KHDRBS2: variants seen among roughly 807,000 people sequenced by gnomAD.
KHDRBS2 encodes KH domain-containing, RNA-binding, signal transduction-associated protein 2.
In KHDRBS2, 26 loss-of-function variants were observed where a neutral mutation model predicts 44.3. That is an observed-to-expected ratio of 0.59 (90% CI 0.43 to 0.81). The LOEUF is 0.81. Ranked by LOEUF, KHDRBS2 falls within the 40% of genes least tolerant of loss-of-function variation. The pLI, the probability that KHDRBS2 is intolerant of heterozygous loss-of-function variation, is 0.00. For missense variants in KHDRBS2, 476 were observed against 433.1 expected, an observed-to-expected ratio of 1.10 and a Z score of -0.88; for synonymous variants, 194 against 151.1, an observed-to-expected ratio of 1.28 and a Z score of -2.08.
At chr6:61,949,458 C>T (rs9363569) in intron 4 of KHDRBS2, among the ~76,000 whole-genome samples, 52,042 of 151,894 alleles carry the variant, frequency 0.34, 9,088 homozygotes, top group Middle Eastern at 0.4. Flanking sequence ...TCTTCAGCTA[C>T]AGGACATATT....
At chr6:61,628,107 A>G in the KHDRBS2 span, among the ~76,000 whole-genome samples, 1 of 151,100 alleles carries the variant, frequency 6.6e-6, no homozygotes, top group Non-Finnish European at 1.5e-5. Flanking sequence ...TACCTGCTGA[A>G]CTTTGTTTCT....
chr6:62,124,586 T>TACACACACACAGAC (rs1808488854), intron 2 of KHDRBS2, among the ~76,000 whole-genome samples: 1 of 145,006 alleles, frequency 6.9e-6, no homozygotes, highest in Non-Finnish European at 1.5e-5. Flanking sequence ...TGAACTATAC[T>TACACACACACAGAC]ACACACACAC....
At chr6:61,574,335 G>A in the KHDRBS2 span, 48,675 of 1,528,402 alleles carry the variant, frequency 0.032, 939 homozygotes, top group Middle Eastern at 0.075. Context: ...TGAATGGCTC[G>A]ACGAGGTTTC....
At chr6:61,822,864 C>G (rs1406441874) in intron 6 of KHDRBS2, among the ~76,000 whole-genome samples, 1 of 151,996 alleles carries the variant, frequency 6.6e-6, no homozygotes, top group Non-Finnish European at 1.5e-5. Context: ...TTTCTCTGTA[C>G]CCATGATAAG....
intron 7 of KHDRBS2, among the ~76,000 whole-genome samples, chr6:61,728,428 A>G (rs1317955604): frequency 6.6e-6 from 1 of 152,116 alleles, no homozygotes; most frequent in East Asian, 1.9e-4. Flanking sequence ...CATCCTGCAC[A>G]TGGACTCTGA....
intron 2 of KHDRBS2, among the ~76,000 whole-genome samples, chr6:62,107,300 C>G (rs776789912): frequency 3.8e-4 from 58 of 152,226 alleles, no homozygotes; most frequent in Admixed American, 7.8e-4. Flanking sequence ...ACACCAATAA[C>G]AGACAAACAG....
At chr6:61,913,226 A>G (rs1806373714) in intron 4 of KHDRBS2, among the ~76,000 whole-genome samples, 1 of 152,180 alleles carries the variant, frequency 6.6e-6, no homozygotes, top group African/African-American at 2.4e-5. Context: ...GAGAAATGAT[A>G]GGATCTCAAG....
At position 61,945,357 on chromosome 6, in the gene KHDRBS2, C is replaced by A. The variant is rs546896626; in HGVS notation, c.483+32709G>T. ...GTATTTTTAAAAAGATATAATTATG[C>A]CCTAATATTTATTGTACTAAACATT... On this transcript the variant is annotated intron_variant, in intron 4 of 8. Coordinates refer to ENST00000281156, the MANE Select transcript of KHDRBS2 (RefSeq NM_152688.4). Among the ~76,000 whole-genome samples, 14 of 150,668 alleles carry A rather than the reference C, an allele frequency of 9.3e-5. No individual in the cohort carries two copies. In the South Asian group the frequency reaches 2.3e-3, roughly 25 times the overall value.
At chr6:61,983,248 T>TCTTTCTTTCTTTCTTTC (rs1416908763) in intron 3 of KHDRBS2, among the ~76,000 whole-genome samples, 39 of 42,638 alleles carry the variant, frequency 9.1e-4, no homozygotes, top group African/African-American at 2.9e-3. Context: ...TTTTTTTTTT[T>TCTTTCTTTCTTTCTTTC]TTTTTTTTTA....
At chr6:61,794,812 G>A (rs1785089103) in intron 6 of KHDRBS2, among the ~76,000 whole-genome samples, 1 of 151,854 alleles carries the variant, frequency 6.6e-6, no homozygotes, top group South Asian at 2.1e-4. Flanking sequence ...AGTGAATTTT[G>A]GTAAATCTGA....
the KHDRBS2 span, among the ~76,000 whole-genome samples, chr6:61,630,912 G>A: frequency 6.6e-6 from 1 of 152,084 alleles, no homozygotes; most frequent in Non-Finnish European, 1.5e-5. Flanking sequence ...GTATTCTGTG[G>A]TTTTTTAGAC....
At chr6:62,136,705 T>C (rs1039329603) in intron 2 of KHDRBS2, among the ~76,000 whole-genome samples, 4 of 152,178 alleles carry the variant, frequency 2.6e-5, no homozygotes, top group Admixed American at 6.5e-5. Flanking sequence ...GTTGGCCCCC[T>C]ACCACAATGA....
At chr6:61,841,580 TTGGTAC>T (rs1793614267) in intron 6 of KHDRBS2, among the ~76,000 whole-genome samples, 1 of 152,302 alleles carries the variant, frequency 6.6e-6, no homozygotes, top group East Asian at 1.9e-4. Context: ...GGTCTTAGTC[TTGGTAC>T]TGTGCATTAG....
intron 6 of KHDRBS2, among the ~76,000 whole-genome samples, chr6:61,877,412 T>C (rs1237446621): frequency 6.6e-6 from 1 of 151,980 alleles, no homozygotes; most frequent in Non-Finnish European, 1.5e-5. Flanking sequence ...AGGAAGATGA[T>C]GTTTCTTAGT....
At chr6:62,079,818 G>C (rs1004042304) in intron 2 of KHDRBS2, among the ~76,000 whole-genome samples, 1 of 151,968 alleles carries the variant, frequency 6.6e-6, no homozygotes, top group African/African-American at 2.4e-5. Flanking sequence ...GTCTCAGAAA[G>C]ATGTATTTAT....
the KHDRBS2 span, among the ~76,000 whole-genome samples, chr6:61,651,596 A>G: frequency 5.3e-5 from 8 of 152,240 alleles, no homozygotes; most frequent in Non-Finnish European, 1.2e-4. Context: ...TTCATTTTAC[A>G]AATGAAAAAA....
chr6:61,860,247 T>G, intron 6 of KHDRBS2, among the ~76,000 whole-genome samples: 1 of 151,958 alleles, frequency 6.6e-6, no homozygotes, highest in East Asian at 1.9e-4. Flanking sequence ...CAAGAAGAGA[T>G]AGACTCATGG....
the KHDRBS2 span, among the ~76,000 whole-genome samples, chr6:61,605,278 A>G: frequency 1.3e-5 from 2 of 152,044 alleles, no homozygotes; most frequent in African/African-American, 4.8e-5. Context: ...TCATATTCCT[A>G]TTCACCATTC....
At chr6:61,869,964 G>GGTTTTTTTTTTTTTTTTTTTTTTTTTTTT (rs1798386615) in intron 6 of KHDRBS2, among the ~76,000 whole-genome samples, 3 of 108,980 alleles carry the variant, frequency 2.8e-5, no homozygotes, top group African/African-American at 1.1e-4. Context: ...CTGCAGGAGT[G>GGTTTTTTTTTTTTTTTTTTTTTTTTTTTT]TTTTTTTTTT....
Sources: allele counts gnomAD v4.1 joint callset (sites outside exome capture counted in the v4.1 genomes callset), GRCh38; gene constraint gnomAD v4.1.1; transcripts MANE v1.5; gene names NCBI Gene and HGNC (gene_info 2026-07-23, HGNC 2026-07-21).